The following WDFY4 variants were observed in gnomAD, a reference collection of about 807,000 sequenced individuals.
The protein encoded by WDFY4 is WD repeat- and FYVE domain-containing protein 4.
In WDFY4, 169 loss-of-function variants were observed where a neutral mutation model predicts 351.9. The ratio of observed to expected loss-of-function variants is 0.48; its 90% CI spans 0.42 to 0.55. WDFY4 has a LOEUF of 0.55. WDFY4 is among the 20% of genes least tolerant of loss of function. The pLI is 0.00. For synonymous variants in WDFY4, 1,622 were observed against 1,574.6 expected (o/e 1.03, Z -0.71); for missense variants, 3,803 against 3,935.6 (o/e 0.97, Z 0.90).
chr10:48,807,837 A>C lies in WDFY4; in HGVS notation c.4739-22A>C, dbSNP rs1323288489. 13 of 1,550,498 alleles carry C rather than the reference A, an allele frequency of 8.4e-6. No individual in the cohort carries two copies. In the East Asian group the frequency reaches 2.7e-4, roughly 32 times the overall value. ...TGTCTCTTTACATCCATTTTCTCTC[A>C]AATCTGAATTCTTTTTTGTAGCTGG... On this transcript the variant is annotated intron_variant, in intron 27 of 61. Coordinates refer to ENST00000325239, the MANE Select transcript of WDFY4 (RefSeq NM_001394531.1).
chr10:48,910,866 C>A (rs1303243649), intron 47 of WDFY4: 1 of 981,452 alleles, frequency 1.0e-6, no homozygotes, highest in Admixed American at 6.2e-5. Flanking sequence ...CGTGGACCAG[C>A]AAACCCTGGG....
At chr10:48,725,171 AGCC>A (rs201312742) in intron 5 of WDFY4, among the ~76,000 whole-genome samples, 5,791 of 152,190 alleles carry the variant, frequency 0.038, 122 homozygotes, top group Middle Eastern at 0.075. Flanking sequence ...TGGTCCATGA[AGCC>A]CAGCTTCTCT....
rs908051844 is a variant in WDFY4, at chr10:48,777,054, T to C, written c.3098+70T>C. On this transcript the variant is annotated intron_variant, in intron 16 of 61. Transcript: ENST00000325239. ...GCAGTGCCTCTGATGAATTATAATA[T>C]TGATTGCAAACTTGTAGTTCCCATT... 5 of 1,462,950 alleles carry C rather than the reference T, an allele frequency of 3.4e-6. No homozygotes were observed. In the East Asian group the frequency reaches 7.4e-5, roughly 22 times the overall value. The allele number at this position is 1,462,950 out of a possible 1,614,324, so 90.6% of individuals were successfully genotyped here. A position where few individuals can be genotyped will look rare whatever the true frequency, so the allele number is the denominator to read the frequency against.
chr10:48,757,076 G>C (rs993294519), intron 12 of WDFY4, among the ~76,000 whole-genome samples: 4 of 151,976 alleles, frequency 2.6e-5, no homozygotes, highest in South Asian at 4.1e-4. Flanking sequence ...TTTCTTTGTG[G>C]GCAGGTTTTT....
intron 47 of WDFY4, among the ~76,000 whole-genome samples, chr10:48,918,612 T>C (rs1838765344): frequency 6.6e-6 from 1 of 152,198 alleles, no homozygotes; most frequent in Non-Finnish European, 1.5e-5. Context: ...TGGATAAATT[T>C]ACCATTAGAA....
At chr10:48,808,911 C>T (rs1406607231) in intron 28 of WDFY4, among the ~76,000 whole-genome samples, 2 of 152,192 alleles carry the variant, frequency 1.3e-5, no homozygotes, top group East Asian at 3.8e-4. Flanking sequence ...CTCTACTCAT[C>T]TGCATGAGAA....
In WDFY4 at chr10:48,788,032, T is replaced by TCCTTC. The variant is rs1565199619; in HGVS notation, c.3809-498_3809-497insCCTTC. Among the ~76,000 whole-genome samples, 506 of 96,062 alleles carry TCCTTC rather than the reference T, an allele frequency of 5.3e-3. 19 individuals carry two copies. Among genetic ancestry groups the TCCTTC allele is most frequent in the Middle Eastern group, 0.027 (5 of 186 alleles). 63.0% of individuals were successfully genotyped at this position (96,062 alleles called of 152,430 possible). The stretch of plus-strand genomic sequence containing the variant: ...TCTCCTTCTCCTTCTCCTTCTCCTT[T>TCCTTC]TCCTTCTTCTTCTTCGACAGAGTCT... On this transcript the variant is annotated intron_variant, in intron 20 of 61. Coordinates refer to ENST00000325239, the MANE Select transcript of WDFY4 (RefSeq NM_001394531.1).
rs578042782 is a variant in WDFY4, at chr10:48,896,444, C to T, written c.7317-1010C>T. On this transcript the variant is annotated intron_variant, in intron 44 of 61. Transcript: ENST00000325239. Reference sequence around the variant, plus strand: ...AGGGCTGCCGAAGATGTCAGGGAGACAGGCCAAGGGTCCTGAAGAGCTCCC... The same window carrying T: ...AGGGCTGCCGAAGATGTCAGGGAGATAGGCCAAGGGTCCTGAAGAGCTCCC... Among the ~76,000 whole-genome samples, 4 of 152,272 alleles carry T rather than the reference C, an allele frequency of 2.6e-5. No homozygotes were observed. In the South Asian group the frequency reaches 8.3e-4, roughly 32 times the overall value.
At chr10:48,948,950 G>A (rs547681493) in intron 51 of WDFY4, among the ~76,000 whole-genome samples, 7 of 152,220 alleles carry the variant, frequency 4.6e-5, no homozygotes, top group Admixed American at 4.6e-4. Context: ...GGATATCTGG[G>A]CTATGGCCAC....
chr10:48,907,276 C>G (rs1038770936), intron 47 of WDFY4, among the ~76,000 whole-genome samples: 46 of 152,180 alleles, frequency 3.0e-4, no homozygotes, highest in African/African-American at 1.0e-3. Context: ...TCTCAAATCT[C>G]TCTTGGGCTC....
At chr10:48,804,038 T>C (rs2067170467) in intron 25 of WDFY4, among the ~76,000 whole-genome samples, 2 of 152,240 alleles carry the variant, frequency 1.3e-5, no homozygotes, top group Admixed American at 1.3e-4. Context: ...TCTTAGCTAT[T>C]GGACTGAGTC....
At chr10:48,929,896 C>T (rs1203743418) in intron 47 of WDFY4, among the ~76,000 whole-genome samples, 1 of 152,092 alleles carries the variant, frequency 6.6e-6, no homozygotes, top group African/African-American at 2.4e-5. Flanking sequence ...ATAAAGCAGA[C>T]TGACCTTCCC....
intron 1 of WDFY4, among the ~76,000 whole-genome samples, chr10:48,700,291 G>T (rs916918240): frequency 6.6e-6 from 1 of 152,152 alleles, no homozygotes; most frequent in South Asian, 2.1e-4. Flanking sequence ...CCTTTGCTTT[G>T]TACGTTATGT....
chr10:48,741,656 T>C (rs2064855001), intron 11 of WDFY4, among the ~76,000 whole-genome samples: 1 of 152,110 alleles, frequency 6.6e-6, no homozygotes, highest in Non-Finnish European at 1.5e-5. Flanking sequence ...GCTTAGGCCA[T>C]GCATTTAAGT....
intron 13 of WDFY4, among the ~76,000 whole-genome samples, chr10:48,773,120 G>A (rs572006793): frequency 9.6e-4 from 146 of 152,258 alleles, no homozygotes; most frequent in Middle Eastern, 6.8e-3. Context: ...AGTTAGAATG[G>A]CAATCATTAA....
Position 48,723,646 on chromosome 10 carries a change from G to T in WDFY4, c.591+79G>T. The T allele has an allele frequency of 9.2e-6, 14 of 1,520,452 alleles. No individual in the cohort carries two copies. The South Asian group carries it at 1.7e-4, about 19-fold the overall frequency. 94.2% of individuals were successfully genotyped at this position (1,520,452 alleles called of 1,614,324 possible). Reference sequence around the variant, plus strand: ...AGACTCTCCAATGCTTCCCGTAGATGCTTTTGTCTTTCTCAGCCCTGGTTC... The same window carrying T: ...AGACTCTCCAATGCTTCCCGTAGATTCTTTTGTCTTTCTCAGCCCTGGTTC... On this transcript the variant is annotated intron_variant, in intron 5 of 61. Transcript: ENST00000325239.
At chr10:48,728,868 G>A (rs1361320025) in intron 7 of WDFY4, among the ~76,000 whole-genome samples, 2 of 152,244 alleles carry the variant, frequency 1.3e-5, no homozygotes, top group Admixed American at 1.3e-4. Flanking sequence ...GTGCCAAGAA[G>A]GTCCCACGTG....
In WDFY4 at chr10:48,814,035, G is replaced by C; in HGVS notation, c.5293G>C (p.Glu1765Gln). The change falls in exon 31 of 62, where the codon GAA becomes CAA. Residue 1765 changes from glutamate to glutamine, a missense_variant. This residue lies in a region of WDFY4 where 3,054 missense variants were observed against 3,148.6 expected (regional missense o/e 0.97). Coordinates refer to ENST00000325239, the MANE Select transcript of WDFY4 (RefSeq NM_001394531.1). ...EEVLQAGLCTEGALLLLEMLK... is the reference protein window; with the variant it reads ...EEVLQAGLCTQGALLLLEMLK... ...AGTCCTCCAGGCTGGGCTGTGCACA[G>C]AAGGTGCCTTGCTCCTCCTGGAAAT... 3 of 1,550,536 alleles carry C rather than the reference G, an allele frequency of 1.9e-6. No homozygotes were observed. The highest frequency in any genetic ancestry group is 2.6e-6 in the Non-Finnish European group (3 of 1,146,224).
chr10:48,720,202 C>A (rs1245917434), intron 3 of WDFY4, 77 bp downstream of exon 3: 1 of 1,418,566 alleles, frequency 7.0e-7, no homozygotes, highest in South Asian at 1.3e-5. Flanking sequence ...CCTCTCAGGC[C>A]CCCCTCTGCT....
Sources: allele counts gnomAD v4.1 joint callset (sites outside exome capture counted in the v4.1 genomes callset), GRCh38; gene constraint gnomAD v4.1.1; regional missense constraint gnomAD v4.1.1; transcripts MANE v1.5; gene names NCBI Gene and HGNC (gene_info 2026-07-23, HGNC 2026-07-21).